The following SAMD12 variants were observed in gnomAD, a reference collection of about 807,000 sequenced individuals.
The protein encoded by SAMD12 is sterile alpha motif domain-containing protein 12.
In SAMD12, 9 loss-of-function variants were observed where a neutral mutation model predicts 15.0. That is an observed-to-expected ratio of 0.60 (90% confidence interval 0.36 to 1.05). The LOEUF (loss-of-function observed/expected upper bound fraction) is 1.05, where lower values mean the gene tolerates loss of function less well. Ranked by LOEUF, SAMD12 falls within the 50% of genes least tolerant of loss-of-function variation. The pLI is 0.01. For synonymous variants in SAMD12, 86 were observed against 90.1 expected (o/e 0.96, Z 0.25); for missense variants, 230 against 234.2 (o/e 0.98, Z 0.12).
chr8:118,144,175 G>C, the SAMD12 span, among the ~76,000 whole-genome samples: 1 of 152,212 alleles, frequency 6.6e-6, no homozygotes, highest in African/African-American at 2.4e-5. Context: ...AGGATCTCTG[G>C]ACAGCATTTA....
chr8:118,605,510 C>T (rs567512398), intron 1 of SAMD12, among the ~76,000 whole-genome samples: 2 of 152,132 alleles, frequency 1.3e-5, no homozygotes, highest in African/African-American at 4.8e-5. Flanking sequence ...GGCAAGAGAT[C>T]AAACACTGAA....
intron 4 of SAMD12, among the ~76,000 whole-genome samples, chr8:118,256,336 A>G (rs907399200): frequency 6.6e-6 from 1 of 152,148 alleles, no homozygotes; most frequent in Non-Finnish European, 1.5e-5. Context: ...TTAGCCTACA[A>G]GTTACAAATG....
At chr8:118,164,147 C>T in the SAMD12 span, among the ~76,000 whole-genome samples, 1 of 152,112 alleles carries the variant, frequency 6.6e-6, no homozygotes. Flanking sequence ...GGAAGCAGAA[C>T]TCCTTCTTGA....
At chr8:118,252,769 G>T (rs116571603) in intron 4 of SAMD12, among the ~76,000 whole-genome samples, 1 of 152,200 alleles carries the variant, frequency 6.6e-6, no homozygotes, top group African/African-American at 2.4e-5. Context: ...TGTAGAAGGC[G>T]CTGGGAGCTC....
At chr8:118,211,926 G>C (rs562677962) in intron 4 of SAMD12, among the ~76,000 whole-genome samples, 30 of 152,162 alleles carry the variant, frequency 2.0e-4, no homozygotes, top group Non-Finnish European at 3.7e-4. Context: ...TAAGGAACCA[G>C]TGTGGGATAA....
chr8:118,267,275 T>C (rs749667844), intron 4 of SAMD12, among the ~76,000 whole-genome samples: 4 of 152,170 alleles, frequency 2.6e-5, no homozygotes, highest in Admixed American at 1.3e-4. Context: ...GGTAGGTTAC[T>C]AGACTTCATA....
At chr8:118,421,477 T>G (rs777952323) in intron 3 of SAMD12, among the ~76,000 whole-genome samples, 5 of 152,228 alleles carry the variant, frequency 3.3e-5, no homozygotes, top group Non-Finnish European at 7.3e-5. Context: ...CCAAGGTAGT[T>G]TTAGGGTTAG....
rs67702658 is a variant in SAMD12 at position 118,366,881 on chromosome 8, TAATAAAATAAAATAAAATAA to T, written c.433+12659_433+12678del. On this transcript the variant is annotated intron_variant, in intron 4 of 4. Transcript: ENST00000409003. ...TAAAATAAAATAAAATAAAATAAAATAATAAAATAAAATAAAATAAAATAAAATAAAATAAAAATGAACAA... is the reference window on the plus strand; with the variant it reads ...TAAAATAAAATAAAATAAAATAAAATAATAAAATAAAATAAAAATGAACAA... 4.4e-4 allele frequency among the ~76,000 whole-genome samples: 23 copies of T among 52,342 alleles called. No individual in the cohort carries two copies. In the South Asian group the frequency reaches 5.6e-3, roughly 13 times the overall value. The allele number at this position is 52,342 out of a possible 152,430, so 34.3% of individuals were successfully genotyped here. A position where few individuals can be genotyped will look rare whatever the true frequency, so the allele number is the denominator to read the frequency against.
At chr8:118,373,569 A>G (rs1350256503), downstream of SAMD12, among the ~76,000 whole-genome samples, 1 of 152,176 alleles carries the variant, frequency 6.6e-6, no homozygotes, top group Non-Finnish European at 1.5e-5. Context: ...TGGTTATGCA[A>G]TTCCCAAGTA....
At chr8:118,369,792 A>G (rs900194078) in intron 4 of SAMD12, among the ~76,000 whole-genome samples, 1 of 152,130 alleles carries the variant, frequency 6.6e-6, no homozygotes, top group Non-Finnish European at 1.5e-5. Context: ...AAAAACTTAA[A>G]TGTAAAATCC....
chr8:118,317,471 T>G (rs1255199295), intron 4 of SAMD12, among the ~76,000 whole-genome samples: 1 of 152,192 alleles, frequency 6.6e-6, no homozygotes, highest in Non-Finnish European at 1.5e-5. Flanking sequence ...GATCGAGAAC[T>G]GCAGACAATA....
downstream of SAMD12, among the ~76,000 whole-genome samples, chr8:118,374,653 GT>G (rs1285010054): frequency 3.9e-5 from 6 of 152,104 alleles, 1 homozygote; most frequent in African/African-American, 1.2e-4. Context: ...GTTATTTTCT[GT>G]TCTTTTGGTA....
chr8:118,366,975 A>G (rs1818836582), intron 4 of SAMD12, among the ~76,000 whole-genome samples: 1 of 152,010 alleles, frequency 6.6e-6, no homozygotes. Context: ...AGAGAAGGAT[A>G]AGGATAGAAG....
At chr8:118,516,124 T>G (rs1455152234) in intron 2 of SAMD12, among the ~76,000 whole-genome samples, 3 of 152,196 alleles carry the variant, frequency 2.0e-5, no homozygotes, top group Non-Finnish European at 4.4e-5. Context: ...GCAGAAAATC[T>G]CAAATGCATA....
intron 4 of SAMD12, among the ~76,000 whole-genome samples, chr8:118,306,107 A>C (rs918488216): frequency 2.0e-5 from 3 of 152,122 alleles, no homozygotes; most frequent in African/African-American, 7.2e-5. Context: ...GGGCTGCCTC[A>C]GTTTTGAAGT....
At position 118,370,787 on chromosome 8, in the gene SAMD12, T is replaced by C. The variant is rs182625349; in HGVS notation, c.433+8773A>G. ...CAACACACACTGGGGCCTGTCAGGG[T>C]GGAGGGTGAGGGGAGGGAGAGCATC... is the stretch of plus-strand genomic sequence containing the variant. On this transcript the variant is annotated intron_variant, in intron 4 of 4. Coordinates refer to the SAMD12 transcript ENST00000409003. Among the ~76,000 whole-genome samples the C allele has an allele frequency of 1.4e-3, 211 of 151,574 alleles. 5 individuals are homozygous for C. In the East Asian group the frequency reaches 0.033, roughly 24 times the overall value.
chr8:118,218,218 G>A (rs1220136909), intron 4 of SAMD12, among the ~76,000 whole-genome samples: 2 of 151,966 alleles, frequency 1.3e-5, no homozygotes, highest in Non-Finnish European at 2.9e-5. Context: ...GCATGGTACT[G>A]GTACTCAGAT....
Position 118,292,349 on chromosome 8 carries a change from G to GACACACATACACACACACACAC in SAMD12, c.433+87210_433+87211insGTGTGTGTGTGTGTATGTGTGT, listed in dbSNP as rs111807707. On this transcript the variant is annotated intron_variant, in intron 4 of 4. Coordinates refer to the SAMD12 transcript ENST00000409003. ...TAATGTCCAAAACTGCAAACACACA[G>GACACACATACACACACACACAC]ACACACACACACACACACACACACA... Among the ~76,000 whole-genome samples, 575 of 137,712 alleles carry GACACACATACACACACACACAC rather than the reference G, an allele frequency of 4.2e-3. 2 individuals are homozygous for GACACACATACACACACACACAC. Among genetic ancestry groups the GACACACATACACACACACACAC allele is most frequent in the African/African-American group, 0.015 (546 of 36,268 alleles). 90.3% of individuals were successfully genotyped at this position (137,712 alleles called of 152,430 possible). A position where few individuals can be genotyped will look rare whatever the true frequency, so the allele number is the denominator to read the frequency against.
At chr8:118,203,936 T>C (rs1165525778) in intron 4 of SAMD12, among the ~76,000 whole-genome samples, 3 of 151,950 alleles carry the variant, frequency 2.0e-5, no homozygotes, top group Non-Finnish European at 2.9e-5. Flanking sequence ...TGTTTGTTTC[T>C]ATTTTCTACT....
Sources: gnomAD v4.1 joint callset for allele counts (sites outside exome capture counted in the v4.1 genomes callset) on GRCh38, gnomAD v4.1.1 for gene constraint, MANE v1.5 for transcripts, NCBI Gene and HGNC (gene_info 2026-07-23, HGNC 2026-07-21) for gene names.